Variants in RNF32 observed in about 807,000 individuals in gnomAD.
The protein encoded by RNF32 is ring finger protein 32.
Under a neutral mutation model 41.0 loss-of-function variants are expected in RNF32, and 36 were observed. The observed-to-expected ratio is 0.88, with a 90% CI of 0.67 to 1.16. RNF32 has a LOEUF of 1.16. RNF32 is among the 50% of genes most tolerant of loss of function. The pLI is 0.00. For synonymous variants in RNF32, 154 were observed against 160.9 expected, an observed-to-expected ratio of 0.96 and a Z score of 0.32; for missense variants, 413 against 436.7, an observed-to-expected ratio of 0.95 and a Z score of 0.48.
rs1475308681 is a variant in RNF32, at chr7:156,670,405, G to C, written c.685-5291G>C. ...CCAGGGAAGTGACTTGCCTAAGAGA[G>C]GATGTGGCGCAGGATGTCACTGTCA... On this transcript the variant is annotated intron_variant, in intron 7 of 8. Transcript: ENST00000317955. The surrounding 1 kb of genome is among the most constrained non-coding windows in gnomAD (Gnocchi z 4.3). Among the ~76,000 whole-genome samples, 1 of 152,234 alleles carries C rather than the reference G, an allele frequency of 6.6e-6. No homozygotes were observed. The highest frequency in any genetic ancestry group is 1.5e-5 in the Non-Finnish European group (1 of 68,044).
chr7:156,664,120 T>C (rs77993840), intron 7 of RNF32, among the ~76,000 whole-genome samples: 220 of 152,320 alleles, frequency 1.4e-3, no homozygotes, highest in African/African-American at 5.0e-3. Context: ...ACACGGCACA[T>C]TGCGTGATTG....
At chr7:156,667,632 C>T (rs958150466) in intron 7 of RNF32, among the ~76,000 whole-genome samples, 1 of 151,934 alleles carries the variant, frequency 6.6e-6, no homozygotes, top group African/African-American at 2.4e-5. Flanking sequence ...ACATAAAAAG[C>T]GAGGGAGTAA....
At chr7:156,650,390 C>T (rs537897122) in intron 3 of RNF32, among the ~76,000 whole-genome samples, 11 of 152,314 alleles carry the variant, frequency 7.2e-5, no homozygotes, top group South Asian at 2.1e-4. Context: ...AAGACTTCCA[C>T]GACATGCTTA....
intron 3 of RNF32, among the ~76,000 whole-genome samples, chr7:156,648,991 A>C (rs1798341980): frequency 6.6e-6 from 1 of 152,108 alleles, no homozygotes. Flanking sequence ...TCACATTTAG[A>C]TGTCACCACA....
chr7:156,661,076 C>T (rs1371790767), intron 7 of RNF32, among the ~76,000 whole-genome samples: 1 of 152,224 alleles, frequency 6.6e-6, no homozygotes, highest in Non-Finnish European at 1.5e-5. Context: ...TGGCCTGCGG[C>T]ATGACTGTCC....
chr7:156,653,299 C>G (rs759688964), intron 3 of RNF32, among the ~76,000 whole-genome samples: 76 of 152,326 alleles, frequency 5.0e-4, no homozygotes, highest in Non-Finnish European at 5.3e-4. Context: ...GTAGTCTAAT[C>G]AGCTGTACCG....
rs1188569165 is a variant in RNF32, at chr7:156,676,802, A to T, written c.*147A>T. On this transcript the variant is annotated 3_prime_UTR_variant, in exon 9 of 9. Transcript: ENST00000317955. Reference sequence around the variant, plus strand: ...TGGTAGTTGTAGGAAATCTTAGTATATTTTAAAAGCTGACATCCCACCTAA... The same window carrying T: ...TGGTAGTTGTAGGAAATCTTAGTATTTTTTAAAAGCTGACATCCCACCTAA... 3.1e-6 allele frequency: 2 copies of T among 635,826 alleles called. No homozygotes were observed. Among genetic ancestry groups the T allele is most frequent in the African/African-American group, 3.7e-5 (2 of 54,700 alleles). The allele number at this position is 635,826 out of a possible 1,614,324, so 39.4% of individuals were successfully genotyped here. A position where few individuals can be genotyped will look rare whatever the true frequency, so the allele number is the denominator to read the frequency against.
At chr7:156,657,325 G>A in intron 4 of RNF32, 2 of 570,832 alleles carry the variant, frequency 3.5e-6, no homozygotes, top group South Asian at 2.2e-5. Context: ...AACTTCATGT[G>A]TTTATTTGAT....
rs752294461 is a variant in RNF32 at position 156,675,700 on chromosome 7, C to T, written c.689C>T (p.Thr230Ile). The T allele has an allele frequency of 6.2e-6, 10 of 1,604,814 alleles. No individual in the cohort carries two copies. In the East Asian group the frequency reaches 2.2e-4, roughly 36 times the overall value. ...LRKKFFEKKFTEISHRILCSY... is the reference protein window; with the variant it reads ...LRKKFFEKKFIEISHRILCSY... Reference sequence around the variant, plus strand: ...CCGCCCCCGCCTCCTCCTCAGTTCACAGAAATCAGCCACCGCATCCTGTGC... The same window carrying T: ...CCGCCCCCGCCTCCTCCTCAGTTCATAGAAATCAGCCACCGCATCCTGTGC... The change falls in exon 8 of 9, where the codon ACA (threonine) becomes ATA (isoleucine). Residue 230 changes from threonine (T) to isoleucine (I), a missense_variant. Coordinates refer to ENST00000317955, the MANE Select transcript of RNF32 (RefSeq NM_030936.4).
At chr7:156,652,196 C>G (rs974497024) in intron 3 of RNF32, among the ~76,000 whole-genome samples, 1 of 152,162 alleles carries the variant, frequency 6.6e-6, no homozygotes, top group African/African-American at 2.4e-5. Context: ...ATTGTCTTCT[C>G]CTGTCTGTTG....
chr7:156,664,435 T>C (rs1444887498), intron 7 of RNF32, among the ~76,000 whole-genome samples: 1 of 151,822 alleles, frequency 6.6e-6, no homozygotes, highest in African/African-American at 2.4e-5. Flanking sequence ...CACTCCAGCC[T>C]GGGCGACAAG....
intron 7 of RNF32, among the ~76,000 whole-genome samples, chr7:156,667,020 AC>A: frequency 6.6e-6 from 1 of 152,284 alleles, no homozygotes; most frequent in East Asian, 1.9e-4. Context: ...GATTTCTCTG[AC>A]TTTTTTCATT....
chr7:156,641,825 C>G (rs919787129), intron 1 of RNF32, among the ~76,000 whole-genome samples: 2 of 152,216 alleles, frequency 1.3e-5, no homozygotes, highest in African/African-American at 4.8e-5. Context: ...CACCATTTCT[C>G]CAAGTTCAGT....
At chr7:156,649,474 C>G (rs978902915) in intron 3 of RNF32, among the ~76,000 whole-genome samples, 4 of 152,034 alleles carry the variant, frequency 2.6e-5, no homozygotes, top group Non-Finnish European at 4.4e-5. Context: ...CCTAGCATTT[C>G]TGTCTCGTTC....
chr7:156,665,595 C>A (rs1004805385), intron 7 of RNF32, among the ~76,000 whole-genome samples: 4 of 152,164 alleles, frequency 2.6e-5, no homozygotes, highest in Non-Finnish European at 5.9e-5. Context: ...CCTAAAAAAA[C>A]TGAAATCACA....
intron 3 of RNF32, 37 bp from the exon 4 acceptor site, chr7:156,654,539 G>T (rs1480434966): frequency 6.3e-7 from 1 of 1,586,420 alleles, no homozygotes; most frequent in Non-Finnish European, 8.6e-7. Context: ...TATGCTAAAA[G>T]ACACTCTAAC....
chr7:156,660,141 C>T lies in RNF32; in HGVS notation c.684+1571C>T, dbSNP rs567972325. On this transcript the variant is annotated intron_variant, in intron 7 of 8. Transcript: ENST00000317955. ...GCTCGGAACGCCCCGCTCTGATCCC[C>T]GTGTCTGCTTTTCTGAGCACACTCT... is the stretch of plus-strand genomic sequence containing the variant. 9.1e-6 allele frequency: 9 copies of T among 985,734 alleles called. No individual in the cohort carries two copies. In the Admixed American group the frequency reaches 3.7e-4, roughly 40 times the overall value. 61.1% of individuals were successfully genotyped at this position (985,734 alleles called of 1,614,324 possible).
rs1483693076 is a variant in RNF32 at position 156,664,994 on chromosome 7, C to T, written c.684+6424C>T. On this transcript the variant is annotated intron_variant, in intron 7 of 8. Transcript: ENST00000317955. The stretch of plus-strand genomic sequence containing the variant: ...TATAAGTAAAATGAGGCTTGTTAAG[C>T]TTCTAGAAATCAGATTAAGATATTT... 2.6e-5 allele frequency among the ~76,000 whole-genome samples: 4 copies of T among 152,050 alleles called. No homozygotes were observed. In the South Asian group the frequency reaches 6.2e-4, roughly 24 times the overall value.
At chr7:156,653,638 G>A (rs916538890) in intron 3 of RNF32, among the ~76,000 whole-genome samples, 1 of 152,200 alleles carries the variant, frequency 6.6e-6, no homozygotes, top group Non-Finnish European at 1.5e-5. Flanking sequence ...TTTGGGGTGC[G>A]GGGAGGTGGT....
Sources: allele counts gnomAD v4.1 joint callset (sites outside exome capture counted in the v4.1 genomes callset), GRCh38; gene constraint gnomAD v4.1.1; non-coding constraint Gnocchi (gnomAD v3.1); transcripts MANE v1.5; gene names NCBI Gene and HGNC (gene_info 2026-07-23, HGNC 2026-07-21).